Variants in CELF2 observed in about 807,000 individuals in gnomAD.
CELF2 encodes the protein CUG triplet repeat RNA-binding protein 2.
In CELF2, 8 loss-of-function variants were observed where a neutral mutation model predicts 62.6. The ratio of observed to expected loss-of-function variants is 0.13; its 90% CI spans 0.07 to 0.23. The LOEUF is 0.23. Among genes scored for constraint, CELF2 ranks in the 10% least tolerant of loss-of-function variants. The pLI is 1.00. For synonymous variants in CELF2, 258 were observed against 250.0 expected, an observed-to-expected ratio of 1.03 and a Z score of -0.30; for missense variants, 333 against 671.0, an observed-to-expected ratio of 0.50 and a Z score of 5.56.
intron 1 of CELF2, among the ~76,000 whole-genome samples, chr10:11,121,405 A>G (rs1376745688): frequency 2.0e-5 from 3 of 152,190 alleles, no homozygotes; most frequent in Non-Finnish European, 4.4e-5. Context: ...TCTGTTTTGC[A>G]GTACCCTTTG....
chr10:10,780,049 T>C, the CELF2 span, among the ~76,000 whole-genome samples: 1 of 152,188 alleles, frequency 6.6e-6, no homozygotes, highest in Non-Finnish European at 1.5e-5. Flanking sequence ...AATAACTTTT[T>C]TGTTCACTTT....
the CELF2 span, among the ~76,000 whole-genome samples, chr10:10,587,055 G>A: frequency 6.6e-6 from 1 of 152,132 alleles, no homozygotes; most frequent in Non-Finnish European, 1.5e-5. Context: ...TGCCCCTTTA[G>A]AAATGATCAA....
intron 1 of CELF2, among the ~76,000 whole-genome samples, chr10:11,132,876 TAG>T (rs1310265518): frequency 1.3e-5 from 2 of 152,130 alleles, no homozygotes; most frequent in Non-Finnish European, 2.9e-5. Flanking sequence ...TAAGCACCAA[TAG>T]AGTTTCTTGA....
chr10:10,567,375 C>T, the CELF2 span, among the ~76,000 whole-genome samples: 1,112 of 152,204 alleles, frequency 7.3e-3, 13 homozygotes, highest in African/African-American at 0.025. Context: ...TGTCACAGGT[C>T]GGGTTCCCTG....
chr10:11,173,725 TG>T (rs1178745706), intron 2 of CELF2, among the ~76,000 whole-genome samples: 1 of 152,154 alleles, frequency 6.6e-6, no homozygotes, highest in East Asian at 1.9e-4. Flanking sequence ...TAATATTGGG[TG>T]GGCCAAACCT....
intron 4 of CELF2, among the ~76,000 whole-genome samples, chr10:11,253,965 G>C (rs181537325): frequency 1.3e-5 from 2 of 152,270 alleles, no homozygotes; most frequent in African/African-American, 4.8e-5. Flanking sequence ...GCACCTAGCA[G>C]AATACTGTGA....
intron 2 of CELF2, among the ~76,000 whole-genome samples, chr10:10,973,683 C>A (rs1406442146): frequency 6.6e-6 from 1 of 152,230 alleles, no homozygotes; most frequent in Non-Finnish European, 1.5e-5. Context: ...CCTCCCGCCT[C>A]AGCCTCCTGA....
At chr10:10,663,659 C>T in the CELF2 span, among the ~76,000 whole-genome samples, 5 of 152,126 alleles carry the variant, frequency 3.3e-5, no homozygotes, top group East Asian at 9.6e-4. Flanking sequence ...GAAATGCTTC[C>T]GTTGGCTGAC....
At chr10:11,137,553 A>C (rs1055622613) in intron 1 of CELF2, among the ~76,000 whole-genome samples, 1 of 152,244 alleles carries the variant, frequency 6.6e-6, no homozygotes, top group Non-Finnish European at 1.5e-5. Flanking sequence ...CCTGAGTAAT[A>C]GTACTTATCT....
At position 11,270,585 on chromosome 10, in the gene CELF2, G is replaced by C. The variant is rs2083468470; in HGVS notation, c.619-81G>C. ...CATGTGCTCCAGGCTAGTGCAGAAA[G>C]GTAGCTCCGGTGCTGAGTGTCGTGA... is the stretch of plus-strand genomic sequence containing the variant. On this transcript the variant is annotated intron_variant, in intron 6 of 12. Coordinates refer to ENST00000633077, the MANE Select transcript of CELF2 (RefSeq NM_001326342.2). This position sits in a 1 kb window ranked among gnomAD's most constrained non-coding sequence, Gnocchi z 5.8. 14 of 1,249,172 alleles carry C rather than the reference G, an allele frequency of 1.1e-5. No individual in the cohort carries two copies. The highest frequency in any genetic ancestry group is 1.5e-5 in the Non-Finnish European group (14 of 949,648). The allele number at this position is 1,249,172 out of a possible 1,614,324, so 77.4% of individuals were successfully genotyped here.
the CELF2 span, among the ~76,000 whole-genome samples, chr10:10,612,661 T>G: frequency 1.3e-5 from 2 of 152,060 alleles, no homozygotes; most frequent in Admixed American, 1.3e-4. Flanking sequence ...AAGTAATGGG[T>G]TTGTATTGGA....
chr10:11,025,896 C>T (rs2059118922), intron 1 of CELF2, among the ~76,000 whole-genome samples: 1 of 152,220 alleles, frequency 6.6e-6, no homozygotes, highest in Non-Finnish European at 1.5e-5. Flanking sequence ...GTGAAGACAA[C>T]CTCACTCTGG....
At chr10:11,092,579 A>T (rs2048619254) in intron 1 of CELF2, among the ~76,000 whole-genome samples, 2 of 152,238 alleles carry the variant, frequency 1.3e-5, no homozygotes. Flanking sequence ...ATATGATTGG[A>T]GGAAAGAAGG....
intron 8 of CELF2, among the ~76,000 whole-genome samples, chr10:11,277,817 A>C (rs987377926): frequency 2.0e-5 from 3 of 152,228 alleles, no homozygotes; most frequent in African/African-American, 7.2e-5. Flanking sequence ...CTGATGTTAC[A>C]GTGCTTATTG....
the CELF2 span, among the ~76,000 whole-genome samples, chr10:10,656,850 A>G: frequency 6.6e-6 from 1 of 150,720 alleles, no homozygotes; most frequent in Non-Finnish European, 1.5e-5. Flanking sequence ...GTGCACATGT[A>G]CCCTAAAACT....
intron 1 of CELF2, among the ~76,000 whole-genome samples, chr10:11,083,946 G>A (rs930213396): frequency 1.3e-5 from 2 of 152,156 alleles, no homozygotes; most frequent in Non-Finnish European, 2.9e-5. Context: ...ACCACAGCAT[G>A]GACTATATCA....
At chr10:10,577,607 G>C in the CELF2 span, among the ~76,000 whole-genome samples, 2 of 151,500 alleles carry the variant, frequency 1.3e-5, no homozygotes, top group Non-Finnish European at 2.9e-5. Flanking sequence ...AGAACATGCG[G>C]TGTTTGTTTT....
intron 1 of CELF2, among the ~76,000 whole-genome samples, chr10:11,050,030 T>TG (rs2063625562): frequency 6.6e-6 from 1 of 152,322 alleles, no homozygotes; most frequent in African/African-American, 2.4e-5. Flanking sequence ...GAGGGCCTTC[T>TG]GGGGCAGGCA....
intron 1 of CELF2, among the ~76,000 whole-genome samples, chr10:10,874,799 A>T (rs549893337): frequency 6.6e-6 from 1 of 152,340 alleles, no homozygotes; most frequent in African/African-American, 2.4e-5. Context: ...TCTGAGGAAC[A>T]TGCAGAATGA....
Sources: gnomAD v4.1 joint callset for allele counts (sites outside exome capture counted in the v4.1 genomes callset) on GRCh38, gnomAD v4.1.1 for gene constraint, Gnocchi (gnomAD v3.1) non-coding constraint, MANE v1.5 for transcripts, NCBI Gene and HGNC (gene_info 2026-07-23, HGNC 2026-07-21) for gene names.